SLC16A12: variants seen among roughly 807,000 people sequenced by gnomAD.
SLC16A12 encodes monocarboxylate transporter 12.
A neutral mutation model predicts 42.4 loss-of-function variants in SLC16A12; 17 were observed. The observed-to-expected ratio is 0.40, with a 90% CI of 0.27 to 0.60. The LOEUF is 0.60. Among genes scored for constraint, SLC16A12 ranks in the 20% least tolerant of loss-of-function variants. SLC16A12 has a pLI of 0.42. For missense variants in SLC16A12, 544 were observed against 623.0 expected (o/e 0.87, Z 1.35); for synonymous variants, 224 against 229.4 (o/e 0.98, Z 0.21).
chr10:89,455,218 T>A (rs79751085), intron 3 of SLC16A12, among the ~76,000 whole-genome samples: 2,956 of 152,248 alleles, frequency 0.019, 35 homozygotes, highest in Non-Finnish European at 0.022. Flanking sequence ...GATCACATGA[T>A]GTCTAAGAGA....
At chr10:89,446,389 T>A (rs1307901453) in intron 3 of SLC16A12, among the ~76,000 whole-genome samples, 5 of 152,172 alleles carry the variant, frequency 3.3e-5, no homozygotes, top group African/African-American at 9.7e-5. Flanking sequence ...GGGAAGCCCA[T>A]CAGACTAACA....
At chr10:89,483,827 C>A (rs925389185) in intron 2 of SLC16A12, among the ~76,000 whole-genome samples, 4 of 151,854 alleles carry the variant, frequency 2.6e-5, no homozygotes, top group African/African-American at 9.7e-5. Flanking sequence ...TGTATTATGC[C>A]TGTTCTTAGT....
chr10:89,441,326 CAGAGGAG>C, intron 4 of SLC16A12, 75 bp from the exon 5 acceptor site: 1 of 1,584,028 alleles, frequency 6.3e-7, no homozygotes, highest in Non-Finnish European at 8.6e-7. Context: ...GTGGCATTGA[CAGAGGAG>C]AGAACCTTTA....
At chr10:89,435,189 C>T (rs1254928457) in intron 7 of SLC16A12, among the ~76,000 whole-genome samples, 7 of 152,164 alleles carry the variant, frequency 4.6e-5, no homozygotes, top group Admixed American at 4.6e-4. Context: ...TCCACTAAAG[C>T]TCATATTTCA....
intron 2 of SLC16A12, among the ~76,000 whole-genome samples, chr10:89,512,595 C>T (rs1272680046): frequency 6.6e-6 from 1 of 152,200 alleles, no homozygotes; most frequent in African/African-American, 2.4e-5. Flanking sequence ...TTCAGAGAGC[C>T]TCCAAGCTGG....
chr10:89,444,993 C>G (rs1164823550), intron 3 of SLC16A12, among the ~76,000 whole-genome samples: 1 of 152,258 alleles, frequency 6.6e-6, no homozygotes, highest in African/African-American at 2.4e-5. Flanking sequence ...GCCTTGCTCA[C>G]TGCTAGCGCA....
chr10:89,505,648 G>A (rs1262403945), intron 2 of SLC16A12, among the ~76,000 whole-genome samples: 1 of 152,110 alleles, frequency 6.6e-6, no homozygotes, highest in Non-Finnish European at 1.5e-5. Context: ...AGCTCAACGG[G>A]TCAGGGGATT....
rs1357586363 is a variant in SLC16A12 at position 89,488,471 on chromosome 10, T to C, written c.-46-25847A>G. Among the ~76,000 whole-genome samples, 7 of 152,182 alleles carry C rather than the reference T, an allele frequency of 4.6e-5. No homozygotes were observed. In the East Asian group the frequency reaches 1.2e-3, roughly 25 times the overall value. ...GCAGAATTTCATTTTCCTTTCTGAA[T>C]TAATTCCATGCCTATAGGAGTGCTA... On this transcript the variant is annotated intron_variant, in intron 2 of 7. Coordinates refer to ENST00000371790, the MANE Select transcript of SLC16A12 (RefSeq NM_213606.4).
At chr10:89,462,950 C>T (rs1453834235) in intron 2 of SLC16A12, 2 of 193,554 alleles carry the variant, frequency 1.0e-5, no homozygotes, top group Non-Finnish European at 2.1e-5. Flanking sequence ...ACTTCTGGTT[C>T]ATCAACTCAA....
intron 2 of SLC16A12, among the ~76,000 whole-genome samples, chr10:89,468,994 G>A (rs1842451220): frequency 6.6e-6 from 1 of 152,108 alleles, no homozygotes; most frequent in Non-Finnish European, 1.5e-5. Context: ...GCTGAGTGTA[G>A]TGGTGCATGC....
chr10:89,554,087 AGAAAGAAAGAAAGAAG>A (rs1843790434), intron 2 of SLC16A12, among the ~76,000 whole-genome samples: 10 of 34,236 alleles, frequency 2.9e-4, no homozygotes, highest in South Asian at 9.4e-4. Flanking sequence ...AAAGAAAGAA[AGAAAGAAAGAAAGAAG>A]GAAGGAAGGA....
intron 2 of SLC16A12, among the ~76,000 whole-genome samples, chr10:89,491,800 A>G: frequency 6.6e-6 from 1 of 152,248 alleles, no homozygotes; most frequent in Non-Finnish European, 1.5e-5. Flanking sequence ...CCACGTGTTC[A>G]TCCAGGGATG....
chr10:89,455,018 G>A (rs1489835817), intron 3 of SLC16A12, among the ~76,000 whole-genome samples: 2 of 152,092 alleles, frequency 1.3e-5, no homozygotes. Flanking sequence ...TAGAAGACAA[G>A]GAAGTGAAAA....
intron 2 of SLC16A12, among the ~76,000 whole-genome samples, chr10:89,494,516 G>A (rs534876301): frequency 8.5e-5 from 13 of 152,308 alleles, no homozygotes; most frequent in South Asian, 4.1e-4. Flanking sequence ...GATTGAGCAC[G>A]CATGTTTATC....
intron 3 of SLC16A12, among the ~76,000 whole-genome samples, chr10:89,455,718 A>T (rs1270048340): frequency 6.6e-6 from 1 of 152,204 alleles, no homozygotes; most frequent in Non-Finnish European, 1.5e-5. Flanking sequence ...GTTCTTTGGA[A>T]TATTTTACAG....
intron 7 of SLC16A12, 49 bp from the exon 8 acceptor site, chr10:89,433,375 G>T: frequency 1.9e-6 from 3 of 1,583,448 alleles, no homozygotes; most frequent in African/African-American, 1.3e-5. Flanking sequence ...AAATTCAATT[G>T]CTTACCCACT....
chr10:89,468,457 G>A (rs994574526), intron 2 of SLC16A12, among the ~76,000 whole-genome samples: 14 of 152,320 alleles, frequency 9.2e-5, no homozygotes, highest in African/African-American at 3.4e-4. Flanking sequence ...GCTGACTTTG[G>A]ATGATGCACT....
intron 2 of SLC16A12, among the ~76,000 whole-genome samples, chr10:89,527,793 C>A (rs1222177832): frequency 1.5e-5 from 2 of 129,314 alleles, no homozygotes; most frequent in African/African-American, 5.8e-5. Context: ...GACAGTGAGA[C>A]CCCATCTCTT....
intron 2 of SLC16A12, among the ~76,000 whole-genome samples, chr10:89,530,443 A>T (rs1207455467): frequency 2.7e-5 from 4 of 150,568 alleles, no homozygotes; most frequent in Non-Finnish European, 5.9e-5. Context: ...TCTGAGACGG[A>T]GTCTCGCTCT....
Sources: allele counts gnomAD v4.1 joint callset (sites outside exome capture counted in the v4.1 genomes callset), GRCh38; gene constraint gnomAD v4.1.1; transcripts MANE v1.5; gene names NCBI Gene and HGNC (gene_info 2026-07-23, HGNC 2026-07-21).